HK1: variants seen among roughly 807,000 people sequenced by gnomAD.
HK1 encodes the protein hexokinase-1.
A neutral mutation model predicts 91.6 loss-of-function variants in HK1; 28 were observed. The ratio of observed to expected loss-of-function variants is 0.31; its 90% CI spans 0.23 to 0.42. HK1 has a LOEUF of 0.42. Ranked by LOEUF, HK1 falls within the 10% of genes least tolerant of loss-of-function variation. The probability of loss-of-function intolerance (pLI) is 1.00; values close to 1 mark genes in which losing one functional copy is unlikely to be tolerated. For synonymous variants in HK1, 430 were observed against 468.1 expected (o/e 0.92, Z 1.05); for missense variants, 770 against 1,219.8 (o/e 0.63, Z 5.49).
chr10:69,337,481 A>G (rs1346698743), intron 1 of HK1, among the ~76,000 whole-genome samples: 4 of 152,174 alleles, frequency 2.6e-5, no homozygotes, highest in Admixed American at 6.5e-5. Flanking sequence ...CACAGTTCAA[A>G]TGGGATAATG....
chr10:69,346,575 T>C (rs1048708156), intron 2 of HK1, among the ~76,000 whole-genome samples: 1 of 152,134 alleles, frequency 6.6e-6, no homozygotes, highest in East Asian at 1.9e-4. Flanking sequence ...TTTTGCCATG[T>C]TGCCCAGACT....
chr10:69,385,996 A>G (rs1839611298), intron 12 of HK1, among the ~76,000 whole-genome samples: 1 of 152,198 alleles, frequency 6.6e-6, no homozygotes, highest in South Asian at 2.1e-4. Flanking sequence ...TGGTTATGCC[A>G]GTGGCAGCAC....
At chr10:69,374,779 T>G (rs978525174) in intron 7 of HK1, among the ~76,000 whole-genome samples, 1 of 152,188 alleles carries the variant, frequency 6.6e-6, no homozygotes, top group Non-Finnish European at 1.5e-5. Context: ...CTGGGCGTCT[T>G]TAGAAGGCAG....
chr10:69,312,884 CAAAATA>C, upstream of HK1, among the ~76,000 whole-genome samples: 1 of 152,254 alleles, frequency 6.6e-6, no homozygotes, highest in East Asian at 1.9e-4. Flanking sequence ...GCCTTTCATT[CAAAATA>C]CTCTTTACAC....
intron 2 of HK1, among the ~76,000 whole-genome samples, chr10:69,355,310 T>A (rs529136344): frequency 6.6e-6 from 1 of 152,132 alleles, no homozygotes; most frequent in Non-Finnish European, 1.5e-5. Context: ...AAACCTTATT[T>A]TGTGTTGAAA....
intron 3 of HK1, among the ~76,000 whole-genome samples, chr10:69,360,504 A>T (rs1412115738): frequency 6.6e-6 from 1 of 152,226 alleles, no homozygotes; most frequent in African/African-American, 2.4e-5. Flanking sequence ...GAGGTCTCAC[A>T]GCTCTGGGCT....
intron 1 of HK1, among the ~76,000 whole-genome samples, chr10:69,342,788 T>C (rs1848358545): frequency 6.6e-6 from 1 of 152,160 alleles, no homozygotes; most frequent in South Asian, 2.1e-4. Context: ...AGAACCTTCC[T>C]CGGTGGACTC....
chr10:69,381,107 A>G (rs1306897011), intron 9 of HK1, among the ~76,000 whole-genome samples: 1 of 152,030 alleles, frequency 6.6e-6, no homozygotes, highest in Non-Finnish European at 1.5e-5. Context: ...GTTCGAGACC[A>G]GCCTGGGCAA....
At chr10:69,387,512 C>T (rs190288150) in intron 13 of HK1, among the ~76,000 whole-genome samples, 2 of 150,148 alleles carry the variant, frequency 1.3e-5, no homozygotes, top group Non-Finnish European at 3.0e-5. Context: ...GTCTCCAACT[C>T]CTGGGCTCAA....
chr10:69,388,792 C>T (rs911867644), intron 13 of HK1, among the ~76,000 whole-genome samples: 6 of 152,238 alleles, frequency 3.9e-5, no homozygotes, highest in Non-Finnish European at 7.3e-5. Context: ...TGTATGTGTG[C>T]GTTTGTGCAC....
intron 2 of HK1, among the ~76,000 whole-genome samples, chr10:69,356,274 A>T (rs1849121120): frequency 1.3e-5 from 2 of 152,162 alleles, no homozygotes; most frequent in South Asian, 2.1e-4. Context: ...GTCTCTAAAA[A>T]AAATTAAAAA....
At chr10:69,314,823 A>C (rs964011877), upstream of HK1, among the ~76,000 whole-genome samples, 2 of 152,088 alleles carry the variant, frequency 1.3e-5, no homozygotes, top group African/African-American at 4.8e-5. Flanking sequence ...TCTTGCCACT[A>C]TGCCCAGCTA....
chr10:69,332,089 C>CTG (rs1315641076), intron 1 of HK1, among the ~76,000 whole-genome samples: 3 of 152,094 alleles, frequency 2.0e-5, no homozygotes, highest in African/African-American at 7.2e-5. Flanking sequence ...TTAATTTCAT[C>CTG]TGTTCTTTTT....
chr10:69,316,653 C>T (rs142633215), upstream of HK1, among the ~76,000 whole-genome samples: 13 of 152,382 alleles, frequency 8.5e-5, no homozygotes, highest in African/African-American at 2.4e-4. Context: ...CTCTTCCAAG[C>T]GTCAGCTTCT....
At chr10:69,284,441 A>G (rs1305111896) in intron 2 of HK1, among the ~76,000 whole-genome samples, 3 of 152,162 alleles carry the variant, frequency 2.0e-5, no homozygotes, top group Admixed American at 6.5e-5. Flanking sequence ...GTGGAAGTCA[A>G]TTGAATAGTG....
At position 69,302,435 on chromosome 10, in the gene HK1, T is replaced by C. The variant is rs186014406; in HGVS notation, c.27+1574T>C. On this transcript the variant is annotated intron_variant, in intron 5 of 21. Coordinates refer to the HK1 transcript ENST00000360289. ...TGTCGCCCAGGCTGGAGTGCAGTGG[T>C]GCGATCTCAGCTCACTGCAATCTCC... Among the ~76,000 whole-genome samples, 44 of 145,648 alleles carry C rather than the reference T, an allele frequency of 3.0e-4. No individual in the cohort carries two copies. The East Asian group carries it at 9.1e-3, about 30-fold the overall frequency.
chr10:69,351,180 TA>T (rs1848847295), intron 2 of HK1, among the ~76,000 whole-genome samples: 1 of 58,676 alleles, frequency 1.7e-5, no homozygotes, highest in African/African-American at 1.3e-4. Context: ...GTCTCAAAAT[TA>T]AATAAATAAA....
chr10:69,305,948 TAG>T (rs1243965115), intron 5 of HK1, among the ~76,000 whole-genome samples: 1 of 151,748 alleles, frequency 6.6e-6, no homozygotes, highest in African/African-American at 2.4e-5. Flanking sequence ...TCAATCAATT[TAG>T]AGTTAATTTT....
chr10:69,361,223 G>A (rs1435895804), intron 3 of HK1, among the ~76,000 whole-genome samples: 1 of 152,194 alleles, frequency 6.6e-6, no homozygotes, highest in Admixed American at 6.5e-5. Flanking sequence ...GAGCAGGTGA[G>A]CCACTTTATA....
Sources: allele counts gnomAD v4.1 joint callset (sites outside exome capture counted in the v4.1 genomes callset), GRCh38; gene constraint gnomAD v4.1.1; transcripts MANE v1.5; gene names NCBI Gene and HGNC (gene_info 2026-07-23, HGNC 2026-07-21).